The following ROBO1 variants were observed in gnomAD, a reference collection of about 807,000 sequenced individuals.
ROBO1 encodes the protein roundabout homolog 1.
ROBO1 carries 149 observed loss-of-function variants against 195.9 expected under a neutral mutation model. The ratio of observed to expected loss-of-function variants is 0.76; its 90% CI spans 0.67 to 0.87. The LOEUF is 0.87. ROBO1 is among the 40% of genes least tolerant of loss of function. ROBO1 has a pLI of 0.00. For synonymous variants in ROBO1, 816 were observed against 733.2 expected, an observed-to-expected ratio of 1.11 and a Z score of -1.82; for missense variants, 1,933 against 2,068.3, an observed-to-expected ratio of 0.93 and a Z score of 1.27.
intron 1 of ROBO1, among the ~76,000 whole-genome samples, chr3:79,621,069 C>G (rs1452924360): frequency 2.0e-5 from 3 of 152,146 alleles, no homozygotes; most frequent in African/African-American, 7.2e-5. Context: ...AACATGCTTT[C>G]TTTACTATTC....
At chr3:78,740,393 A>G (rs992238014) in intron 5 of ROBO1, among the ~76,000 whole-genome samples, 1 of 151,508 alleles carries the variant, frequency 6.6e-6, no homozygotes, top group African/African-American at 2.4e-5. Context: ...ATAAATTTAA[A>G]TAATTTTTAT....
intron 4 of ROBO1, among the ~76,000 whole-genome samples, chr3:78,875,754 T>G (rs2035804318): frequency 6.6e-6 from 1 of 152,064 alleles, no homozygotes; most frequent in South Asian, 2.1e-4. Flanking sequence ...CATGAAAATC[T>G]GTCCCACCTG....
At chr3:79,590,625 T>G (rs962160152) in intron 1 of ROBO1, among the ~76,000 whole-genome samples, 2 of 151,690 alleles carry the variant, frequency 1.3e-5, no homozygotes, top group African/African-American at 4.8e-5. Flanking sequence ...GTTAATTAAT[T>G]TTGCCAGGGA....
At chr3:78,977,337 A>G (rs1343531905) in intron 3 of ROBO1, among the ~76,000 whole-genome samples, 1 of 151,888 alleles carries the variant, frequency 6.6e-6, no homozygotes, top group Non-Finnish European at 1.5e-5. Context: ...TTTCTTTCCC[A>G]TTACTCTCCT....
At chr3:79,160,913 A>G (rs1295258727) in intron 2 of ROBO1, among the ~76,000 whole-genome samples, 1 of 152,048 alleles carries the variant, frequency 6.6e-6, no homozygotes, top group Non-Finnish European at 1.5e-5. Context: ...ATTTTTTACT[A>G]TGCACGTAAA....
chr3:79,452,843 G>A lies in ROBO1; in HGVS notation c.88+136981C>T, dbSNP rs899859856. On this transcript the variant is annotated intron_variant, in intron 2 of 30. Transcript: ENST00000464233. ...TATGTTTCTCTAGTCTTGGGGGAGA[G>A]ATTTTAGCTGTGGGGCATAAAGCAG... is the stretch of plus-strand genomic sequence containing the variant. Among the ~76,000 whole-genome samples, 6 of 151,844 alleles carry A rather than the reference G, an allele frequency of 4.0e-5. No individual in the cohort carries two copies. The East Asian group carries it at 7.7e-4, about 20-fold the overall frequency.
chr3:78,809,109 G>A (rs1406374898), intron 4 of ROBO1, among the ~76,000 whole-genome samples: 6 of 151,878 alleles, frequency 4.0e-5, no homozygotes, highest in Non-Finnish European at 1.5e-5. Flanking sequence ...CTCACAAAGG[G>A]CTTAATATCC....
chr3:79,670,269 AG>A (rs1407756790), intron 1 of ROBO1, among the ~76,000 whole-genome samples: 1 of 151,900 alleles, frequency 6.6e-6, no homozygotes, highest in East Asian at 1.9e-4. Flanking sequence ...ATTTTCACAA[AG>A]ATGTGCATTT....
At chr3:78,947,048 A>C (rs1455959285) in intron 3 of ROBO1, among the ~76,000 whole-genome samples, 3 of 152,154 alleles carry the variant, frequency 2.0e-5, no homozygotes, top group Non-Finnish European at 4.4e-5. Context: ...CTACAAAGAG[A>C]CTTAGACTCC....
At chr3:79,506,868 A>G (rs918980003) in intron 2 of ROBO1, among the ~76,000 whole-genome samples, 10 of 152,226 alleles carry the variant, frequency 6.6e-5, no homozygotes, top group African/African-American at 2.4e-4. Context: ...GGCAAGTAGG[A>G]AAGAGTGTGA....
chr3:78,856,408 A>G (rs1380686513), intron 4 of ROBO1, among the ~76,000 whole-genome samples: 1 of 152,040 alleles, frequency 6.6e-6, no homozygotes, highest in Non-Finnish European at 1.5e-5. Context: ...GAAGCCAAAT[A>G]ACTTTCCTAT....
chr3:78,946,624 A>C (rs1448246929), intron 3 of ROBO1, among the ~76,000 whole-genome samples: 2 of 152,224 alleles, frequency 1.3e-5, no homozygotes, highest in Non-Finnish European at 2.9e-5. Flanking sequence ...CTAATGAGCA[A>C]AATAACCAGC....
chr3:78,986,236 CA>C (rs1224811750), intron 3 of ROBO1, among the ~76,000 whole-genome samples: 2 of 152,088 alleles, frequency 1.3e-5, no homozygotes, highest in African/African-American at 4.8e-5. Flanking sequence ...GCCACCACCT[CA>C]CCATTTGGTG....
In ROBO1 at chr3:79,423,000, C is replaced by A. The variant is rs541794875; in HGVS notation, c.88+166824G>T. On this transcript the variant is annotated intron_variant, in intron 2 of 30. Transcript: ENST00000464233. ...TTCCACTACTGTATAGAAAAAACCA[C>A]CTGGTTGTGCTGGAGAGAATTATTT... Among the ~76,000 whole-genome samples the A allele has an allele frequency of 6.1e-3, 928 of 151,698 alleles. 3 individuals are homozygous for A. Among genetic ancestry groups the A allele is most frequent in the Non-Finnish European group, 0.01 (683 of 67,940 alleles).
intron 4 of ROBO1, among the ~76,000 whole-genome samples, chr3:78,799,637 G>A (rs368214842): frequency 9.2e-5 from 14 of 151,744 alleles, no homozygotes; most frequent in Admixed American, 4.6e-4. Flanking sequence ...CACCGCGCCC[G>A]GCCCTACTCT....
At chr3:79,614,471 G>C (rs1944758480) in intron 1 of ROBO1, among the ~76,000 whole-genome samples, 1 of 152,102 alleles carries the variant, frequency 6.6e-6, no homozygotes. Flanking sequence ...GTAGCACTTA[G>C]AGTAAAATTT....
rs142492844 is a variant in ROBO1 at position 79,384,735 on chromosome 3, C to T, written c.88+205089G>A. Among the ~76,000 whole-genome samples, 479 of 152,054 alleles carry T rather than the reference C, an allele frequency of 3.2e-3. 3 individuals are homozygous for T. The highest frequency in any genetic ancestry group is 0.011 in the African/African-American group (441 of 41,530). ...TCTGTTTATGTTATAGGAAGTTAAACGTATACACACATAAGCACACACACG... is the reference window on the plus strand; with the variant it reads ...TCTGTTTATGTTATAGGAAGTTAAATGTATACACACATAAGCACACACACG... On this transcript the variant is annotated intron_variant, in intron 2 of 30. Transcript: ENST00000464233.
chr3:79,686,522 G>A (rs1176392315), intron 1 of ROBO1, among the ~76,000 whole-genome samples: 2 of 152,178 alleles, frequency 1.3e-5, no homozygotes, highest in African/African-American at 4.8e-5. Flanking sequence ...CTTCAGCAAA[G>A]TCTCAGGATA....
intron 1 of ROBO1, among the ~76,000 whole-genome samples, chr3:79,714,138 A>G (rs141069516): frequency 0.019 from 2,932 of 152,256 alleles, 57 homozygotes; most frequent in African/African-American, 0.052. Flanking sequence ...AATGAGCTCA[A>G]ACAAATTTAT....
Sources: gnomAD v4.1 joint callset for allele counts (sites outside exome capture counted in the v4.1 genomes callset) on GRCh38, gnomAD v4.1.1 for gene constraint, MANE v1.5 for transcripts, NCBI Gene and HGNC (gene_info 2026-07-23, HGNC 2026-07-21) for gene names.